The following SEMA5A variants were observed in gnomAD, a reference collection of about 807,000 sequenced individuals.
SEMA5A encodes the protein semaphorin 5A.
SEMA5A carries 55 observed loss-of-function variants against 135.5 expected under a neutral mutation model. The observed-to-expected ratio is 0.41, with a 90% CI of 0.33 to 0.51. The LOEUF is 0.51. SEMA5A is among the 20% of genes least tolerant of loss of function. The pLI is 0.37. For missense variants in SEMA5A, 1,290 were observed against 1,419.9 expected (o/e 0.91, Z 1.47); for synonymous variants, 580 against 546.5 (o/e 1.06, Z -0.85).
At chr5:9,398,788 A>T (rs1289030594) in intron 2 of SEMA5A, among the ~76,000 whole-genome samples, 1 of 152,256 alleles carries the variant, frequency 6.6e-6, no homozygotes, top group Non-Finnish European at 1.5e-5. Flanking sequence ...AAAATAAAGT[A>T]TGATTCGGCA....
At chr5:9,308,037 T>C (rs907445647) in intron 5 of SEMA5A, among the ~76,000 whole-genome samples, 1 of 152,214 alleles carries the variant, frequency 6.6e-6, no homozygotes, top group African/African-American at 2.4e-5. Flanking sequence ...AAGTATGTAC[T>C]TTTTTGTCAA....
At chr5:9,461,344 A>G (rs1002468114) in intron 1 of SEMA5A, among the ~76,000 whole-genome samples, 1 of 152,230 alleles carries the variant, frequency 6.6e-6, no homozygotes, top group African/African-American at 2.4e-5. Flanking sequence ...CTTAGGAAAA[A>G]GCAAATATAA....
intron 5 of SEMA5A, among the ~76,000 whole-genome samples, chr5:9,276,969 A>G (rs988955464): frequency 9.2e-5 from 14 of 152,350 alleles, no homozygotes; most frequent in Admixed American, 2.0e-4. Flanking sequence ...AATGGGATCT[A>G]ATTAAACTAA....
chr5:9,207,855 A>AGAT (rs764460187), intron 8 of SEMA5A, among the ~76,000 whole-genome samples: 1 of 56,884 alleles, frequency 1.8e-5, no homozygotes, highest in Non-Finnish European at 3.3e-5. Context: ...AGATGATGAT[A>AGAT]GATAGATAGA....
chr5:9,392,435 T>C (rs939208900), intron 2 of SEMA5A, among the ~76,000 whole-genome samples: 8 of 152,120 alleles, frequency 5.3e-5, no homozygotes, highest in African/African-American at 1.7e-4. Context: ...TTTCATAAGA[T>C]ACAGGTATAT....
chr5:9,075,315 A>G (rs1217377624), intron 16 of SEMA5A, among the ~76,000 whole-genome samples: 1 of 152,162 alleles, frequency 6.6e-6, no homozygotes, highest in African/African-American at 2.4e-5. Flanking sequence ...TACTCATTCC[A>G]TTCCTCTATA....
chr5:9,255,088 T>A (rs1342044976), intron 5 of SEMA5A, among the ~76,000 whole-genome samples: 1 of 152,132 alleles, frequency 6.6e-6, no homozygotes, highest in African/African-American at 2.4e-5. Flanking sequence ...ATCCAAATGA[T>A]GATAGTATGA....
At chr5:9,215,260 A>G (rs1396456566) in intron 8 of SEMA5A, among the ~76,000 whole-genome samples, 1 of 152,194 alleles carries the variant, frequency 6.6e-6, no homozygotes, top group East Asian at 1.9e-4. Context: ...GAGCATTAAG[A>G]TTGTCAGCAG....
At chr5:9,407,732 A>C (rs1488212883) in intron 2 of SEMA5A, among the ~76,000 whole-genome samples, 2 of 152,130 alleles carry the variant, frequency 1.3e-5, no homozygotes, top group African/African-American at 4.8e-5. Flanking sequence ...TCTTACCCTC[A>C]TGCTGCTAGG....
At chr5:9,517,946 G>C (rs376249495) in intron 1 of SEMA5A, 1 of 152,114 alleles carries the variant, frequency 6.6e-6, no homozygotes, top group African/African-American at 2.4e-5. Flanking sequence ...CAGAAGCAAC[G>C]ATTTGCCTCA....
At chr5:9,063,646 G>T (rs1273582850) in intron 17 of SEMA5A, among the ~76,000 whole-genome samples, 4 of 152,220 alleles carry the variant, frequency 2.6e-5, no homozygotes, top group African/African-American at 9.7e-5. Context: ...ACTCCTGTCT[G>T]CTCTGTGGAA....
At chr5:9,385,239 C>T (rs1755837214) in intron 2 of SEMA5A, among the ~76,000 whole-genome samples, 1 of 152,130 alleles carries the variant, frequency 6.6e-6, no homozygotes. Flanking sequence ...TAACATTTCT[C>T]ATTCACTCCC....
At chr5:9,064,427 A>G (rs557676494) in intron 17 of SEMA5A, among the ~76,000 whole-genome samples, 6 of 152,330 alleles carry the variant, frequency 3.9e-5, no homozygotes, top group Admixed American at 1.3e-4. Flanking sequence ...GATAAAGAAA[A>G]TGTGGCACAT....
At chr5:9,207,645 C>T (rs1302399883) in intron 8 of SEMA5A, among the ~76,000 whole-genome samples, 1 of 152,066 alleles carries the variant, frequency 6.6e-6, no homozygotes, top group African/African-American at 2.4e-5. Context: ...GATTTTAGAC[C>T]CTCTCTGTAT....
chr5:9,457,150 A>T (rs1389288861), intron 1 of SEMA5A, among the ~76,000 whole-genome samples: 1 of 152,180 alleles, frequency 6.6e-6, no homozygotes, highest in Non-Finnish European at 1.5e-5. Flanking sequence ...TCTAAATTCA[A>T]TGTCTGAATG....
rs576892951 is a variant in SEMA5A at position 9,237,757 on chromosome 5, T to A, written c.333+71A>T. 20 of 1,376,754 alleles carry A rather than the reference T, an allele frequency of 1.5e-5. No homozygotes were observed. In the South Asian group the frequency reaches 2.3e-4, roughly 16 times the overall value. 85.3% of individuals were successfully genotyped at this position (1,376,754 alleles called of 1,614,324 possible). On this transcript the variant is annotated intron_variant, in intron 6 of 22. Coordinates refer to ENST00000382496, the MANE Select transcript of SEMA5A (RefSeq NM_003966.3). The stretch of plus-strand genomic sequence containing the variant: ...ACCGTAATCAGGAATACTCTTCATA[T>A]CAACATGCTTTATATAGTGTAGAGT...
At chr5:9,541,493 C>G (rs1323891188) in intron 1 of SEMA5A, among the ~76,000 whole-genome samples, 2 of 152,134 alleles carry the variant, frequency 1.3e-5, no homozygotes, top group African/African-American at 4.8e-5. Context: ...AAATTATTCT[C>G]TTTTAAAATA....
At chr5:9,154,734 G>T in intron 11 of SEMA5A, 39 bp from the exon 12 acceptor site, 1 of 1,571,892 alleles carries the variant, frequency 6.4e-7, no homozygotes, top group South Asian at 1.1e-5. Context: ...CAAGGTCAGA[G>T]GGTCTCACAA....
At chr5:9,247,090 G>A (rs753552443) in intron 5 of SEMA5A, among the ~76,000 whole-genome samples, 4 of 152,160 alleles carry the variant, frequency 2.6e-5, no homozygotes, top group Non-Finnish European at 5.9e-5. Flanking sequence ...AGAAAACGAC[G>A]CCAGCAACCA....
Sources: allele counts gnomAD v4.1 joint callset (sites outside exome capture counted in the v4.1 genomes callset), GRCh38; gene constraint gnomAD v4.1.1; transcripts MANE v1.5; gene names NCBI Gene and HGNC (gene_info 2026-07-23, HGNC 2026-07-21).